Variants in PNPLA1 observed in about 807,000 individuals in gnomAD.
The protein encoded by PNPLA1 is patatin like domain 1, omega-hydroxyceramide transacylase.
A neutral mutation model predicts 51.7 loss-of-function variants in PNPLA1; 36 were observed. That is an observed-to-expected ratio of 0.70 (90% CI 0.53 to 0.92). The LOEUF is 0.92. PNPLA1 is among the 40% of genes least tolerant of loss of function. The pLI is 0.00. For missense variants in PNPLA1, 658 were observed against 682.5 expected (o/e 0.96, Z 0.40); for synonymous variants, 293 against 280.1 (o/e 1.05, Z -0.46).
In PNPLA1 at chr6:36,312,856, G is replaced by C. The variant is rs1336935725; in HGVS notation, c.*970G>C. 6.6e-6 allele frequency among the ~76,000 whole-genome samples: 1 copy of C among 152,184 alleles called. No individual in the cohort carries two copies. Among genetic ancestry groups the C allele is most frequent in the Non-Finnish European group, 1.5e-5 (1 of 68,046 alleles). On this transcript the variant is annotated 3_prime_UTR_variant, in exon 9 of 9. Transcript: ENST00000636260. Reference sequence around the variant, plus strand: ...TTCCTCTCAACCTTGGCCTGAGCTTGCTTCTTTGAGATGAGCCAGATCATT... The same window carrying C: ...TTCCTCTCAACCTTGGCCTGAGCTTCCTTCTTTGAGATGAGCCAGATCATT...
chr6:36,287,711 A>G (rs1770538768), intron 1 of PNPLA1, among the ~76,000 whole-genome samples: 1 of 152,040 alleles, frequency 6.6e-6, no homozygotes, highest in Admixed American at 6.6e-5. Flanking sequence ...ACAGAGACAA[A>G]GAGACACAGA....
chr6:36,278,247 A>G (rs954184311), intron 1 of PNPLA1, among the ~76,000 whole-genome samples: 3 of 152,178 alleles, frequency 2.0e-5, no homozygotes, highest in Admixed American at 2.0e-4. Context: ...TGTGGGTCCT[A>G]TGGCTCCCAC....
chr6:36,304,972 C>G (rs1771186689), intron 6 of PNPLA1, among the ~76,000 whole-genome samples: 2 of 152,182 alleles, frequency 1.3e-5, no homozygotes, highest in Non-Finnish European at 2.9e-5. Flanking sequence ...GCACAAAGTG[C>G]TTTCTGACCG....
Position 36,250,122 on chromosome 6 carries a change from C to T in PNPLA1, c.-81+6861C>T, listed in dbSNP as rs568454331. 7.9e-5 allele frequency among the ~76,000 whole-genome samples: 12 copies of T among 152,308 alleles called. No homozygotes were observed. In the East Asian group the frequency reaches 2.3e-3, roughly 29 times the overall value. On this transcript the variant is annotated intron_variant, in intron 1 of 7. Transcript: ENST00000312917. ...CCTTGTCATCTCCAACCACAGAGATCGGAAATCCAGATATTCTCTTTCCTG... is the reference window on the plus strand; with the variant it reads ...CCTTGTCATCTCCAACCACAGAGATTGGAAATCCAGATATTCTCTTTCCTG...
chr6:36,300,588 A>G (rs998929033), intron 5 of PNPLA1, among the ~76,000 whole-genome samples: 1 of 151,992 alleles, frequency 6.6e-6, no homozygotes, highest in Non-Finnish European at 1.5e-5. Context: ...TGGGGTTTTG[A>G]GTTCTGGGGA....
chr6:36,276,579 G>A (rs908188671), intron 1 of PNPLA1, among the ~76,000 whole-genome samples: 3 of 152,162 alleles, frequency 2.0e-5, no homozygotes, highest in Admixed American at 6.5e-5. Context: ...GGTTGGAAAC[G>A]TGCCTCAAAG....
At chr6:36,283,204 T>G (rs1770375460) in intron 1 of PNPLA1, among the ~76,000 whole-genome samples, 1 of 152,190 alleles carries the variant, frequency 6.6e-6, no homozygotes, top group African/African-American at 2.4e-5. Context: ...ATCTCACCAA[T>G]TTTTCTACTA....
At chr6:36,248,843 C>T (rs909411877) in intron 1 of PNPLA1, among the ~76,000 whole-genome samples, 1 of 152,228 alleles carries the variant, frequency 6.6e-6, no homozygotes, top group South Asian at 2.1e-4. Context: ...AGCAAACGTC[C>T]CCCCACCAAA....
Position 36,302,015 on chromosome 6 carries a change from T to C in PNPLA1, c.930T>C (p.Pro310=). 1.2e-6 allele frequency: 2 copies of C among 1,614,098 alleles called. No individual in the cohort carries two copies. The highest frequency in any genetic ancestry group is 1.7e-6 in the Non-Finnish European group (2 of 1,180,020). ...CCAGTCTGGAAGGAGCCACACAACC[T>C]CACAAGGAGTGGGTTCCCAAAGGGG... is the stretch of plus-strand genomic sequence containing the variant. ...RQASLEGATQ[P]HKEWVPKGDG... is the part of the protein sequence containing the mutation. Residue 310 remains proline, a synonymous_variant, in exon 6 of 9, where the codon CCT becomes CCC. Coordinates refer to ENST00000636260, the MANE Select transcript of PNPLA1 (RefSeq NM_001374623.1).
intron 8 of PNPLA1, among the ~76,000 whole-genome samples, chr6:36,311,251 G>A (rs1314863042): frequency 1.3e-5 from 2 of 152,224 alleles, no homozygotes; most frequent in Non-Finnish European, 2.9e-5. Flanking sequence ...TGTTAGCTTG[G>A]GGATCTCAGG....
intron 1 of PNPLA1, among the ~76,000 whole-genome samples, chr6:36,282,044 GGAAA>G (rs553265176): frequency 0.04 from 1,368 of 34,528 alleles, 69 homozygotes; most frequent in Non-Finnish European, 0.051. Context: ...AAAGAAAGAA[GGAAA>G]GAAAGAAAGA....
At chr6:36,245,063 T>A (rs1017030671) in intron 1 of PNPLA1, among the ~76,000 whole-genome samples, 1 of 152,248 alleles carries the variant, frequency 6.6e-6, no homozygotes, top group Non-Finnish European at 1.5e-5. Flanking sequence ...CCGCAGGTCA[T>A]AGGTGGATTC....
chr6:36,244,151 CCT>C (rs149580963), intron 1 of PNPLA1, among the ~76,000 whole-genome samples: 7 of 151,382 alleles, frequency 4.6e-5, no homozygotes, highest in South Asian at 2.1e-4. Context: ...CCTCCTCCTT[CCT>C]CTCTCTCTCT....
chr6:36,264,779 A>G (rs1270593839), intron 1 of PNPLA1, among the ~76,000 whole-genome samples: 4 of 152,220 alleles, frequency 2.6e-5, no homozygotes, highest in Non-Finnish European at 5.9e-5. Flanking sequence ...ATTATAAGAA[A>G]AAAGATACTA....
chr6:36,271,915 T>C (rs1438269815), intron 1 of PNPLA1, among the ~76,000 whole-genome samples: 4 of 152,218 alleles, frequency 2.6e-5, no homozygotes, highest in Non-Finnish European at 5.9e-5. Flanking sequence ...AAGTAAGTTA[T>C]TGAACGTTCT....
intron 1 of PNPLA1, among the ~76,000 whole-genome samples, chr6:36,247,722 G>T (rs748912984): frequency 6.6e-6 from 1 of 152,194 alleles, no homozygotes; most frequent in Non-Finnish European, 1.5e-5. Context: ...CCTCCAGTTT[G>T]CCCAGAGAAT....
chr6:36,291,228 C>A, intron 1 of PNPLA1, 92 bp from the exon 2 acceptor site: 1 of 902,400 alleles, frequency 1.1e-6, no homozygotes, highest in South Asian at 1.7e-5. Context: ...TTGTTGGATT[C>A]AGAGATGAGT....
chr6:36,276,810 G>T (rs1296154043), intron 1 of PNPLA1, among the ~76,000 whole-genome samples: 1 of 151,684 alleles, frequency 6.6e-6, no homozygotes, highest in African/African-American at 2.4e-5. Context: ...TGTTAGTTGA[G>T]CACATACTAG....
In PNPLA1 at chr6:36,294,505, T is replaced by A; in HGVS notation, c.714+106T>A. 1 of 1,070,246 alleles carries A rather than the reference T, an allele frequency of 9.3e-7. No homozygotes were observed. The highest frequency in any genetic ancestry group is 1.5e-5 in the South Asian group (1 of 67,964). The allele number at this position is 1,070,246 out of a possible 1,614,324, so 66.3% of individuals were successfully genotyped here. A position where few individuals can be genotyped will look rare whatever the true frequency, so the allele number is the denominator to read the frequency against. ...CAAGTTCCATCTGAGTCTCCTCCCC[T>A]CAAATGGTCCTTTAAACTTCCTCCT... On this transcript the variant is annotated intron_variant, in intron 4 of 8. Transcript: ENST00000636260. This position sits in a 1 kb window ranked among gnomAD's most constrained non-coding sequence, Gnocchi z 4.2.
Sources: gnomAD v4.1 joint callset for allele counts (sites outside exome capture counted in the v4.1 genomes callset) on GRCh38, gnomAD v4.1.1 for gene constraint, Gnocchi (gnomAD v3.1) non-coding constraint, MANE v1.5 for transcripts, NCBI Gene and HGNC (gene_info 2026-07-23, HGNC 2026-07-21) for gene names.